PRKG1: variants seen among roughly 807,000 people sequenced by gnomAD.
PRKG1 encodes cGMP-dependent protein kinase 1.
Under a neutral mutation model 88.1 loss-of-function variants are expected in PRKG1, and 35 were observed. That is an observed-to-expected ratio of 0.40 (90% CI 0.30 to 0.53). The LOEUF (loss-of-function observed/expected upper bound fraction) is 0.53. PRKG1 is among the 20% of genes least tolerant of loss of function. The pLI, the probability that PRKG1 is intolerant of heterozygous loss-of-function variation, is 0.59. For missense variants in PRKG1, 540 were observed against 839.8 expected, an observed-to-expected ratio of 0.64 and a Z score of 4.41; for synonymous variants, 303 against 292.5, an observed-to-expected ratio of 1.04 and a Z score of -0.37.
chr10:51,318,075 C>T (rs1033458173), intron 2 of PRKG1, among the ~76,000 whole-genome samples: 2 of 152,108 alleles, frequency 1.3e-5, no homozygotes, highest in Non-Finnish European at 1.5e-5. Flanking sequence ...TTTATGTTTC[C>T]CTGGCCAAAT....
intron 2 of PRKG1, among the ~76,000 whole-genome samples, chr10:51,412,568 C>T (rs1211232933): frequency 2.0e-5 from 3 of 152,102 alleles, no homozygotes; most frequent in Admixed American, 2.0e-4. Context: ...CGCTTGAACC[C>T]GGGAGGCGGA....
rs144028604 is a variant in PRKG1, at chr10:51,692,496, C to T, written c.593-112089C>T. Among the ~76,000 whole-genome samples, 492 of 152,224 alleles carry T rather than the reference C, an allele frequency of 3.2e-3. 3 individuals carry two copies. The highest frequency in any genetic ancestry group is 0.011 in the African/African-American group (457 of 41,518). On this transcript the variant is annotated intron_variant, in intron 3 of 17. Transcript: ENST00000373980. ...CTGACCATGTGATCTGCCCACCTCT[C>T]CATCCCAAAGTGCTGGGATTACAGG...
intron 3 of PRKG1, among the ~76,000 whole-genome samples, chr10:51,526,195 A>G (rs888292502): frequency 2.0e-5 from 3 of 152,118 alleles, no homozygotes; most frequent in South Asian, 2.1e-4. Context: ...TACAAATCCA[A>G]TTTTGAAGAT....
chr10:51,379,142 C>T (rs368485827), intron 2 of PRKG1, among the ~76,000 whole-genome samples: 3 of 152,184 alleles, frequency 2.0e-5, no homozygotes, highest in Admixed American at 6.5e-5. Context: ...GACATTATTA[C>T]TGACACATAG....
At chr10:51,556,606 A>T (rs533994647) in intron 3 of PRKG1, among the ~76,000 whole-genome samples, 80 of 152,174 alleles carry the variant, frequency 5.3e-4, no homozygotes, top group African/African-American at 1.8e-3. Flanking sequence ...TATCCTAAGC[A>T]CATTAATGCA....
intron 14 of PRKG1, among the ~76,000 whole-genome samples, chr10:52,284,553 A>C (rs1427195304): frequency 6.6e-6 from 1 of 152,006 alleles, no homozygotes; most frequent in African/African-American, 2.4e-5. Context: ...GTTACAAATA[A>C]AGTTCCACAA....
chr10:51,760,757 C>A (rs1240371531), intron 3 of PRKG1, among the ~76,000 whole-genome samples: 1 of 151,972 alleles, frequency 6.6e-6, no homozygotes, highest in Non-Finnish European at 1.5e-5. Context: ...CAGGTGTGAG[C>A]CACCTTGCCT....
chr10:52,013,657 G>T (rs1280759459), intron 5 of PRKG1, among the ~76,000 whole-genome samples: 1 of 152,122 alleles, frequency 6.6e-6, no homozygotes, highest in Non-Finnish European at 1.5e-5. Context: ...CATGTGTAGA[G>T]AGGCAGTGGG....
In PRKG1 at chr10:51,556,420, C is replaced by T. The variant is rs929056565; in HGVS notation, c.592+88584C>T. On this transcript the variant is annotated intron_variant, in intron 3 of 17. Transcript: ENST00000373980. ...AAATGATTTTTTGCATGGTATGATA[C>T]TTTTTTTTACACTCAAAGTATTCCT... 1.2e-4 allele frequency among the ~76,000 whole-genome samples: 18 copies of T among 151,384 alleles called. No homozygotes were observed. The South Asian group carries it at 1.9e-3, about 16-fold the overall frequency.
intron 4 of PRKG1, among the ~76,000 whole-genome samples, chr10:51,860,708 A>T (rs1265704032): frequency 1.3e-5 from 2 of 152,130 alleles, no homozygotes; most frequent in South Asian, 4.1e-4. Flanking sequence ...GGATGTTTTT[A>T]AAAAAATAGA....
chr10:52,169,621 A>T (rs1176910237), intron 9 of PRKG1, among the ~76,000 whole-genome samples: 1 of 152,188 alleles, frequency 6.6e-6, no homozygotes, highest in Non-Finnish European at 1.5e-5. Context: ...TGTTGCTAAG[A>T]ATTCTAGTAT....
chr10:52,159,397 G>A lies in PRKG1; in HGVS notation c.1002-2492G>A, dbSNP rs193103615. ...TATACTTCAAATACTACTTTTGTTC[G>A]TTGTTTTTTAATGTGATACTTGTCA... On this transcript the variant is annotated intron_variant, in intron 8 of 17. Coordinates refer to ENST00000373980, the MANE Select transcript of PRKG1 (RefSeq NM_006258.4). Among the ~76,000 whole-genome samples the A allele has an allele frequency of 4.0e-4, 60 of 151,424 alleles. No individual in the cohort carries two copies. In the East Asian group the frequency reaches 8.0e-3, roughly 20 times the overall value.
chr10:52,124,074 C>T (rs1008234474), intron 7 of PRKG1, among the ~76,000 whole-genome samples: 3 of 152,096 alleles, frequency 2.0e-5, no homozygotes, highest in African/African-American at 4.8e-5. Flanking sequence ...TGAGGAGCAT[C>T]TACAGCATGG....
chr10:51,073,534 A>AC (rs1843867344), upstream of PRKG1, among the ~76,000 whole-genome samples: 5 of 152,194 alleles, frequency 3.3e-5, no homozygotes. Flanking sequence ...CCATCCGAGA[A>AC]CTATTCCCAG....
chr10:52,221,349 C>T (rs772225711), intron 9 of PRKG1, among the ~76,000 whole-genome samples: 5 of 152,050 alleles, frequency 3.3e-5, no homozygotes, highest in Admixed American at 6.6e-5. Context: ...TAATATATAA[C>T]CTCTGTTAAA....
chr10:51,852,416 T>C (rs759985269), intron 4 of PRKG1, among the ~76,000 whole-genome samples: 1 of 150,280 alleles, frequency 6.7e-6, no homozygotes, highest in Non-Finnish European at 1.5e-5. Flanking sequence ...TAGAGGTGAA[T>C]AACAGAATGC....
At chr10:52,070,068 A>C (rs1480403525) in intron 7 of PRKG1, among the ~76,000 whole-genome samples, 1 of 152,142 alleles carries the variant, frequency 6.6e-6, no homozygotes, top group Non-Finnish European at 1.5e-5. Context: ...TACTCCTACC[A>C]ATCTTCTAGG....
At chr10:51,794,894 T>C (rs528419644) in intron 3 of PRKG1, among the ~76,000 whole-genome samples, 2 of 152,236 alleles carry the variant, frequency 1.3e-5, no homozygotes, top group East Asian at 3.9e-4. Flanking sequence ...GTAACTTAGC[T>C]TTTCTGAGAC....
At chr10:51,118,383 A>G (rs1189861131) in intron 1 of PRKG1, among the ~76,000 whole-genome samples, 5 of 152,336 alleles carry the variant, frequency 3.3e-5, no homozygotes, top group African/African-American at 4.8e-5. Flanking sequence ...AAGTAAATTA[A>G]TATCTGCTCT....
Sources: gnomAD v4.1 joint callset for allele counts (sites outside exome capture counted in the v4.1 genomes callset) on GRCh38, gnomAD v4.1.1 for gene constraint, MANE v1.5 for transcripts, NCBI Gene and HGNC (gene_info 2026-07-23, HGNC 2026-07-21) for gene names.